The following SPECC1 variants were observed in gnomAD, a reference collection of about 807,000 sequenced individuals.
SPECC1 encodes the protein sperm antigen with calponin homology and coiled-coil domains 1, also known as cytospin-B.
Under a neutral mutation model 104.1 loss-of-function variants are expected in SPECC1, and 62 were observed. The observed-to-expected ratio is 0.60, with a 90% CI of 0.49 to 0.74. The LOEUF (loss-of-function observed/expected upper bound fraction) is 0.74. SPECC1 is among the 30% of genes least tolerant of loss of function. SPECC1 has a pLI of 0.00. For missense variants in SPECC1, 1,306 were observed against 1,310.5 expected (o/e 1.00, Z 0.05); for synonymous variants, 513 against 501.6 (o/e 1.02, Z -0.30).
chr17:20,141,994 C>T (rs2030861713), intron 3 of SPECC1, among the ~76,000 whole-genome samples: 1 of 152,136 alleles, frequency 6.6e-6, no homozygotes, highest in African/African-American at 2.4e-5. Flanking sequence ...AGCTTTTTCC[C>T]CTCTTTCAGA....
At chr17:20,274,507 C>CTTTTTTTTTTTTTTTTTTTT (rs1162367833) in intron 12 of SPECC1, among the ~76,000 whole-genome samples, 1 of 131,466 alleles carries the variant, frequency 7.6e-6, no homozygotes, top group Admixed American at 7.6e-5. Flanking sequence ...TTTCTTTTTT[C>CTTTTTTTTTTTTTTTTTTTT]TTTTTTTTTT....
In SPECC1 at chr17:20,297,294, C is replaced by T. The variant is rs541435356; in HGVS notation, c.3057+217C>T. Among the ~76,000 whole-genome samples the T allele has an allele frequency of 4.6e-5, 7 of 152,350 alleles. No homozygotes were observed. In the East Asian group the frequency reaches 1.3e-3, roughly 29 times the overall value. ...CTCAGGAATCTCAGCTTCATGGTTT[C>T]AAGACCTTGGCCAGCATTTTTCAAA... is the stretch of plus-strand genomic sequence containing the variant. On this transcript the variant is annotated intron_variant, in intron 13 of 14. Coordinates refer to ENST00000395527, the MANE Select transcript of SPECC1 (RefSeq NM_001243439.2).
chr17:20,306,198 C>A, intron 14 of SPECC1, 116 bp downstream of exon 14: 1 of 843,250 alleles, frequency 1.2e-6, no homozygotes. Flanking sequence ...AAGTCTGTTG[C>A]TCTCAATACC....
At chr17:20,214,424 G>GTCTCA (rs1377567522) in intron 4 of SPECC1, among the ~76,000 whole-genome samples, 1 of 152,184 alleles carries the variant, frequency 6.6e-6, no homozygotes, top group Non-Finnish European at 1.5e-5. Context: ...AGATGACTTG[G>GTCTCA]GCCACAGTTA....
intron 3 of SPECC1, among the ~76,000 whole-genome samples, chr17:20,194,502 A>ATTATTATTATTTTTTTTTTTTTTT: frequency 2.3e-5 from 2 of 86,534 alleles, no homozygotes; most frequent in South Asian, 4.2e-4. Flanking sequence ...AAGAGAACGA[A>ATTATTATTATTTTTTTTTTTTTTT]TTTTTTTTTT....
chr17:20,253,515 C>G lies in SPECC1; in HGVS notation c.2609C>G (p.Thr870Ser). 6.2e-7 allele frequency: 1 copy of G among 1,614,012 alleles called. No individual in the cohort carries two copies. The highest frequency in any genetic ancestry group is 1.1e-5 in the South Asian group (1 of 91,066). The change falls in exon 10 of 15, where the codon ACT becomes AGT. Residue 870 changes from threonine (T) to serine (S), a missense_variant. By Grantham distance (58) the Thr-to-Ser change is moderately conservative. This residue lies in a region of SPECC1 where 1,177 missense variants were observed against 1,139.9 expected (regional missense o/e 1.03). Transcript: ENST00000395527. ...AAVSPMQRHS[T>S]YSSVRPASRG... ...CCCTGGTTTTTACAGAGGCATTCGA[C>G]TTACAGCAGTGTGCGGCCAGCCAGC...
intron 1 of SPECC1, among the ~76,000 whole-genome samples, chr17:20,015,914 T>C (rs1167941675): frequency 6.8e-6 from 1 of 147,490 alleles, no homozygotes; most frequent in East Asian, 2.1e-4. Context: ...GTTTAACTTT[T>C]GAAATAGGTA....
chr17:20,091,172 C>A (rs1349193164), intron 1 of SPECC1, among the ~76,000 whole-genome samples: 2 of 152,098 alleles, frequency 1.3e-5, no homozygotes, highest in Non-Finnish European at 2.9e-5. Context: ...GAAATCTGTT[C>A]TTTTCCTTAT....
chr17:20,054,029 G>A (rs1414255478), intron 1 of SPECC1, among the ~76,000 whole-genome samples: 1 of 152,110 alleles, frequency 6.6e-6, no homozygotes, highest in Non-Finnish European at 1.5e-5. Flanking sequence ...TTTTCATCTA[G>A]GTATCTGTTG....
intron 12 of SPECC1, among the ~76,000 whole-genome samples, chr17:20,271,197 T>G (rs2040394524): frequency 6.6e-6 from 1 of 152,184 alleles, no homozygotes; most frequent in African/African-American, 2.4e-5. Flanking sequence ...AGTCAAGCAT[T>G]TTCAAGTCAC....
intron 13 of SPECC1, 109 bp downstream of exon 13, chr17:20,297,186 A>G (rs916798126): frequency 1.4e-5 from 12 of 848,382 alleles, no homozygotes; most frequent in African/African-American, 1.4e-4. Context: ...AAGTTGGGAT[A>G]TTGATACCAG....
At chr17:20,122,366 T>C (rs2049077219) in intron 3 of SPECC1, among the ~76,000 whole-genome samples, 1 of 152,062 alleles carries the variant, frequency 6.6e-6, no homozygotes, top group East Asian at 1.9e-4. Context: ...GCTAGGGCTG[T>C]GGTCTAGGAA....
In SPECC1 at chr17:20,253,462, A is replaced by C. The variant is rs377415585; in HGVS notation, c.2599-43A>C. The C allele has an allele frequency of 1.0e-5, 16 of 1,594,148 alleles. No individual in the cohort carries two copies. The African/African-American group carries it at 1.6e-4, about 16-fold the overall frequency. ...CACATCTGTGTTTGTGCTATTCTTG[A>C]TGTTATGAGCTCACCGTGCTGGTGT... On this transcript the variant is annotated intron_variant, in intron 9 of 14. Coordinates refer to ENST00000395527, the MANE Select transcript of SPECC1 (RefSeq NM_001243439.2).
intron 1 of SPECC1, among the ~76,000 whole-genome samples, chr17:20,053,489 G>A (rs2045850431): frequency 6.6e-6 from 1 of 152,206 alleles, no homozygotes; most frequent in Admixed American, 6.5e-5. Flanking sequence ...AATGGAATAA[G>A]GCAGAAGTGA....
intron 12 of SPECC1, among the ~76,000 whole-genome samples, chr17:20,261,752 G>A (rs577004427): frequency 1.3e-5 from 2 of 152,270 alleles, no homozygotes; most frequent in South Asian, 4.1e-4. Flanking sequence ...ATCAGAAAAG[G>A]GAAGTAATAC....
chr17:20,267,228 C>T (rs2040246736), intron 12 of SPECC1, among the ~76,000 whole-genome samples: 1 of 152,198 alleles, frequency 6.6e-6, no homozygotes, highest in Admixed American at 6.5e-5. Context: ...CTAAATTACT[C>T]TCAGTCCTCA....
intron 3 of SPECC1, among the ~76,000 whole-genome samples, chr17:20,175,798 G>A (rs147435738): frequency 6.6e-6 from 1 of 152,172 alleles, no homozygotes; most frequent in African/African-American, 2.4e-5. Flanking sequence ...GGCCTCTGCC[G>A]GGTGGGACAG....
intron 12 of SPECC1, among the ~76,000 whole-genome samples, chr17:20,278,895 A>G (rs1303271926): frequency 2.6e-5 from 4 of 152,214 alleles, no homozygotes; most frequent in African/African-American, 9.6e-5. Context: ...ATAAAATGTT[A>G]TAAGAATGTG....
chr17:20,313,156 C>G (rs1327467835), intron 14 of SPECC1, among the ~76,000 whole-genome samples: 2 of 152,254 alleles, frequency 1.3e-5, no homozygotes, highest in East Asian at 3.9e-4. Flanking sequence ...ATGCTCATTA[C>G]AAGCTTACTT....
Sources: allele counts gnomAD v4.1 joint callset (sites outside exome capture counted in the v4.1 genomes callset), GRCh38; gene constraint gnomAD v4.1.1; regional missense constraint gnomAD v4.1.1; transcripts MANE v1.5; gene names NCBI Gene and HGNC (gene_info 2026-07-23, HGNC 2026-07-21).